NRXN3: variants seen among roughly 807,000 people sequenced by gnomAD.
NRXN3 encodes the protein neurexin 3, also known as neurexin III.
Under a neutral mutation model 137.6 loss-of-function variants are expected in NRXN3, and 32 were observed. That is an observed-to-expected ratio of 0.23 (90% CI 0.18 to 0.31). NRXN3 has a LOEUF of 0.31. NRXN3 is among the 10% of genes least tolerant of loss of function. The probability of loss-of-function intolerance (pLI) is 1.00; values close to 1 mark genes in which losing one functional copy is unlikely to be tolerated. For missense variants in NRXN3, 1,574 were observed against 2,062.5 expected, an observed-to-expected ratio of 0.76 and a Z score of 4.59; for synonymous variants, 798 against 784.5, an observed-to-expected ratio of 1.02 and a Z score of -0.29.
At chr14:78,823,686 G>A (rs1450428384) in intron 10 of NRXN3, among the ~76,000 whole-genome samples, 2 of 152,216 alleles carry the variant, frequency 1.3e-5, no homozygotes, top group African/African-American at 4.8e-5. Flanking sequence ...GCACATTGAG[G>A]TGATCAGGGG....
chr14:79,802,301 C>T (rs2099184933), intron 19 of NRXN3, among the ~76,000 whole-genome samples: 1 of 152,180 alleles, frequency 6.6e-6, no homozygotes. Flanking sequence ...CCGGGCCATT[C>T]TGCAAGGCCC....
chr14:79,120,816 G>A (rs1406687947), intron 15 of NRXN3, among the ~76,000 whole-genome samples: 1 of 152,086 alleles, frequency 6.6e-6, no homozygotes, highest in African/African-American at 2.4e-5. Context: ...AGTGAATCTT[G>A]CATACACAGC....
rs17107619 is a variant in NRXN3 at position 78,448,923 on chromosome 14, C to G, written c.757+151063C>G. On this transcript the variant is annotated intron_variant, in intron 4 of 20. Coordinates refer to ENST00000335750, the MANE Select transcript of NRXN3 (RefSeq NM_001330195.2). ...TCCCGCTGAGATGGGACAGAAGTGT[C>G]TCAGCAGTCTCTCAGTTCCTGCGTA... 5.7e-3 allele frequency among the ~76,000 whole-genome samples: 864 copies of G among 152,338 alleles called. 2 individuals are homozygous for G. The highest frequency in any genetic ancestry group is 0.017 in the Middle Eastern group (5 of 294).
intron 1 of NRXN3, among the ~76,000 whole-genome samples, chr14:78,210,106 C>T (rs550923631): frequency 4.6e-5 from 7 of 152,286 alleles, no homozygotes; most frequent in Middle Eastern, 3.4e-3. Context: ...TGTCTTAGTC[C>T]GTTCAGGCTG....
At chr14:79,699,298 T>C (rs1304860478) in intron 19 of NRXN3, among the ~76,000 whole-genome samples, 1 of 144,990 alleles carries the variant, frequency 6.9e-6, no homozygotes, top group Non-Finnish European at 1.5e-5. Flanking sequence ...ATTATGACTC[T>C]CTCTAGCTCA....
chr14:79,495,046 T>C (rs2096753123), intron 16 of NRXN3, among the ~76,000 whole-genome samples: 1 of 152,242 alleles, frequency 6.6e-6, no homozygotes, highest in Non-Finnish European at 1.5e-5. Context: ...AGTCTCTTTC[T>C]TGGCTACTAA....
chr14:79,263,562 A>C (rs1229735252), intron 15 of NRXN3, among the ~76,000 whole-genome samples: 1 of 152,186 alleles, frequency 6.6e-6, no homozygotes, highest in East Asian at 1.9e-4. Flanking sequence ...ATTTTTGAGC[A>C]CTATGCCTTT....
intron 4 of NRXN3, among the ~76,000 whole-genome samples, chr14:78,450,873 G>A (rs919130964): frequency 6.6e-6 from 1 of 152,176 alleles, no homozygotes; most frequent in Non-Finnish European, 1.5e-5. Flanking sequence ...CAGGGGCTCA[G>A]CTGGAAGCAG....
At chr14:79,829,747 T>G (rs1429473194) in intron 20 of NRXN3, among the ~76,000 whole-genome samples, 3 of 152,214 alleles carry the variant, frequency 2.0e-5, no homozygotes, top group African/African-American at 7.2e-5. Context: ...TTCAGTGGAA[T>G]AGAACTGAGT....
intron 20 of NRXN3, among the ~76,000 whole-genome samples, chr14:79,806,507 G>A (rs1198726980): frequency 6.6e-6 from 1 of 152,096 alleles, no homozygotes; most frequent in Non-Finnish European, 1.5e-5. Context: ...GAAAGTAAAT[G>A]TGATCTGGTC....
chr14:79,081,771 C>G (rs993038971), intron 15 of NRXN3, among the ~76,000 whole-genome samples: 3 of 151,866 alleles, frequency 2.0e-5, no homozygotes, highest in Non-Finnish European at 2.9e-5. Context: ...AAGAAGACAC[C>G]CATTTTCCTC....
At chr14:78,224,123 C>T (rs2153427955) in intron 1 of NRXN3, among the ~76,000 whole-genome samples, 1 of 152,112 alleles carries the variant, frequency 6.6e-6, no homozygotes, top group Middle Eastern at 3.4e-3. Flanking sequence ...AATCTTCCAA[C>T]AGCTCCCCAA....
At chr14:78,805,600 G>GAAAAAAAAAAAA (rs201107127) in intron 9 of NRXN3, among the ~76,000 whole-genome samples, 1 of 92,790 alleles carries the variant, frequency 1.1e-5, no homozygotes, top group Non-Finnish European at 2.4e-5. Flanking sequence ...AAAAACAACA[G>GAAAAAAAAAAAA]AAAAAAAAAA....
intron 10 of NRXN3, among the ~76,000 whole-genome samples, chr14:78,941,062 A>G (rs1288238174): frequency 2.0e-5 from 3 of 152,234 alleles, no homozygotes; most frequent in South Asian, 2.1e-4. Flanking sequence ...TTCAATGTCC[A>G]TAAGCTGCAT....
intron 15 of NRXN3, among the ~76,000 whole-genome samples, chr14:79,097,180 A>T (rs1348393110): frequency 2.0e-5 from 3 of 152,146 alleles, no homozygotes; most frequent in African/African-American, 7.2e-5. Context: ...CAACATGCTC[A>T]ACTGAGATAG....
At chr14:79,772,716 G>T (rs2099082879) in intron 19 of NRXN3, among the ~76,000 whole-genome samples, 1 of 152,162 alleles carries the variant, frequency 6.6e-6, no homozygotes, top group Admixed American at 6.5e-5. Context: ...CATAGGCATG[G>T]GCAAGGACTT....
intron 15 of NRXN3, among the ~76,000 whole-genome samples, chr14:79,417,463 T>G (rs953882851): frequency 2.0e-5 from 3 of 152,242 alleles, no homozygotes; most frequent in African/African-American, 7.2e-5. Flanking sequence ...TTATTGCTTA[T>G]ATTTCTCCTA....
At chr14:79,710,588 G>GA (rs1567970641) in intron 19 of NRXN3, among the ~76,000 whole-genome samples, 3 of 152,008 alleles carry the variant, frequency 2.0e-5, no homozygotes, top group African/African-American at 7.3e-5. Context: ...CTATGATCTG[G>GA]TTTCAAAAAT....
At position 79,360,731 on chromosome 14, in the gene NRXN3, C is replaced by A. The variant is rs1481198479; in HGVS notation, c.3263-106490C>A. On this transcript the variant is annotated intron_variant, in intron 15 of 20. Coordinates refer to ENST00000335750, the MANE Select transcript of NRXN3 (RefSeq NM_001330195.2). ...GGCTAAATTATTTTTCTTAGGTAAA[C>A]ATAGGAGGCAAGAAATTAAAAGGGT... Among the ~76,000 whole-genome samples the A allele has an allele frequency of 5.3e-5, 8 of 152,168 alleles. No individual in the cohort carries two copies. The East Asian group carries it at 1.5e-3, about 29-fold the overall frequency.
Sources: allele counts gnomAD v4.1 joint callset (sites outside exome capture counted in the v4.1 genomes callset), GRCh38; gene constraint gnomAD v4.1.1; transcripts MANE v1.5; gene names NCBI Gene and HGNC (gene_info 2026-07-23, HGNC 2026-07-21).